The following TENM4 variants were observed in gnomAD, a reference collection of about 807,000 sequenced individuals.
The protein encoded by TENM4 is teneurin transmembrane protein 4, also known as teneurin-4.
TENM4 carries 82 observed loss-of-function variants against 243.3 expected under a neutral mutation model. The observed-to-expected ratio is 0.34, with a 90% CI of 0.28 to 0.40. The LOEUF (loss-of-function observed/expected upper bound fraction) is 0.40. Among genes scored for constraint, TENM4 ranks in the 10% least tolerant of loss-of-function variants. TENM4 has a pLI of 1.00. For missense variants in TENM4, 3,138 were observed against 3,673.3 expected (o/e 0.85, Z 3.77); for synonymous variants, 1,412 against 1,456.3 (o/e 0.97, Z 0.69).
rs745830367 is a variant in TENM4, at chr11:78,903,348, C to A, written c.669G>T (p.Glu223Asp). Residue 223 changes from glutamate (E) to aspartate (D), a missense_variant, in exon 7 of 34, where the codon GAG becomes GAT. By Grantham distance (45) the Glu-to-Asp change is conservative (BLOSUM62 2). Coordinates refer to ENST00000278550, the MANE Select transcript of TENM4 (RefSeq NM_001098816.3). ...PAPTDHSLSG[E>D]PPAGGAQEPA... ...GCTCCTGGGCGCCGCCGGCAGGGGG[C>A]TCTCCGGAGAGCGAGTGGTCCGTGG... The A allele has an allele frequency of 2.4e-5, 35 of 1,484,514 alleles. No homozygotes were observed. The highest frequency in any genetic ancestry group is 1.3e-5 in the South Asian group (1 of 75,042). The allele number at this position is 1,484,514 out of a possible 1,614,324, so 92.0% of individuals were successfully genotyped here.
In TENM4 at chr11:79,377,887, G is replaced by A. The variant is rs551923101; in HGVS notation, c.-321+62622C>T. Among the ~76,000 whole-genome samples the A allele has an allele frequency of 2.6e-4, 39 of 152,260 alleles. No homozygotes were observed. In the South Asian group the frequency reaches 6.2e-3, roughly 24 times the overall value. On this transcript the variant is annotated intron_variant, in intron 1 of 33. Coordinates refer to ENST00000278550, the MANE Select transcript of TENM4 (RefSeq NM_001098816.3). ...ACAAAATACAATTAAAAAAAATAGAGATATTTTACTCTGCCAAGGGCACCT... is the reference window on the plus strand; with the variant it reads ...ACAAAATACAATTAAAAAAAATAGAAATATTTTACTCTGCCAAGGGCACCT...
chr11:79,151,684 T>C (rs1345890505), intron 3 of TENM4, among the ~76,000 whole-genome samples: 1 of 152,028 alleles, frequency 6.6e-6, no homozygotes, highest in African/African-American at 2.4e-5. Flanking sequence ...CTCAAATACC[T>C]CATTATCCCT....
chr11:78,676,635 C>T (rs528876827), intron 29 of TENM4, among the ~76,000 whole-genome samples: 2 of 152,322 alleles, frequency 1.3e-5, no homozygotes, highest in East Asian at 3.9e-4. Flanking sequence ...CCTTACATTA[C>T]AGTTTAAAAT....
intron 12 of TENM4, among the ~76,000 whole-genome samples, chr11:78,830,599 G>C (rs1857958911): frequency 6.6e-6 from 1 of 152,196 alleles, no homozygotes; most frequent in African/African-American, 2.4e-5. Flanking sequence ...CTCCAGAGCA[G>C]TTGGCCTGAG....
chr11:79,207,647 T>A (rs1271187395), intron 3 of TENM4, among the ~76,000 whole-genome samples: 1 of 151,874 alleles, frequency 6.6e-6, no homozygotes, highest in South Asian at 2.1e-4. Flanking sequence ...GGTGGATTGC[T>A]TGAGCTCAGG....
intron 29 of TENM4, among the ~76,000 whole-genome samples, chr11:78,676,792 A>T (rs748687359): frequency 6.6e-6 from 1 of 152,260 alleles, no homozygotes; most frequent in Non-Finnish European, 1.5e-5. Context: ...CCAAGCCTCA[A>T]ATAGATACTC....
chr11:78,763,797 A>C (rs901369715), intron 18 of TENM4, among the ~76,000 whole-genome samples: 3 of 152,196 alleles, frequency 2.0e-5, no homozygotes, highest in African/African-American at 7.2e-5. Context: ...CCAACCTCTC[A>C]GGATTGCTGA....
At chr11:79,406,707 A>G (rs540670147) in intron 1 of TENM4, among the ~76,000 whole-genome samples, 1 of 152,262 alleles carries the variant, frequency 6.6e-6, no homozygotes, top group Non-Finnish European at 1.5e-5. Flanking sequence ...TGTCACATCT[A>G]AGCCTGGCAG....
intron 1 of TENM4, among the ~76,000 whole-genome samples, chr11:79,343,807 G>T (rs901705198): frequency 1.3e-5 from 2 of 152,164 alleles, no homozygotes; most frequent in Non-Finnish European, 2.9e-5. Context: ...AGCCATCTGG[G>T]GTCCTTTGGG....
Position 78,669,821 on chromosome 11 carries a change from C to T in TENM4, c.6524G>A (p.Arg2175Gln), listed in dbSNP as rs745950858. 10 of 1,613,912 alleles carry T rather than the reference C, an allele frequency of 6.2e-6. No homozygotes were observed. The South Asian group carries it at 8.8e-5, about 14-fold the overall frequency. Residue 2175 changes from arginine to glutamine, a missense_variant, in exon 32 of 34, where the codon CGA becomes CAA. Arg to Gln is a conservative substitution (Grantham distance 43). Coordinates refer to ENST00000278550, the MANE Select transcript of TENM4 (RefSeq NM_001098816.3). This position sits in a 1 kb window ranked among gnomAD's most constrained non-coding sequence, Gnocchi z 6.4. ...WMTVQYDNMGRVVKKELKVGP... is the reference protein window; with the variant it reads ...WMTVQYDNMGQVVKKELKVGP... ...TACCTTCAGCTCCTTCTTCACTACT[C>T]GCCCCATGTTATCATACTGGACGGT...
chr11:78,885,817 C>T (rs112533169), intron 9 of TENM4, among the ~76,000 whole-genome samples: 32 of 151,982 alleles, frequency 2.1e-4, no homozygotes, highest in Non-Finnish European at 4.3e-4. Context: ...CCCGGCTGCT[C>T]GGGAGGCTGA....
intron 6 of TENM4, among the ~76,000 whole-genome samples, chr11:79,029,025 G>A (rs1273842654): frequency 2.0e-5 from 3 of 152,022 alleles, no homozygotes; most frequent in Non-Finnish European, 2.9e-5. Context: ...CTCATCTTAA[G>A]AATTTACTCA....
At chr11:78,985,033 G>C (rs1331288271) in intron 6 of TENM4, among the ~76,000 whole-genome samples, 3 of 152,092 alleles carry the variant, frequency 2.0e-5, no homozygotes, top group African/African-American at 7.2e-5. Flanking sequence ...TCTTATTCAA[G>C]TCACTTAACT....
intron 6 of TENM4, among the ~76,000 whole-genome samples, chr11:78,931,531 A>T (rs1188020585): frequency 6.6e-6 from 1 of 152,258 alleles, no homozygotes; most frequent in Non-Finnish European, 1.5e-5. Context: ...CTTGCCACTG[A>T]TCTCATAAGG....
chr11:79,247,374 G>A (rs190598484), intron 2 of TENM4, among the ~76,000 whole-genome samples: 4 of 138,182 alleles, frequency 2.9e-5, no homozygotes, highest in Non-Finnish European at 6.0e-5. Flanking sequence ...CTGAGATCAC[G>A]CCACTGCATT....
rs187162987 is a variant in TENM4 at position 79,235,056 on chromosome 11, G to C, written c.-264-19147C>G. Among the ~76,000 whole-genome samples the C allele has an allele frequency of 7.8e-3, 1,194 of 152,236 alleles. 11 individuals are homozygous for C. Among genetic ancestry groups the C allele is most frequent in the Non-Finnish European group, 0.013 (885 of 68,014 alleles). On this transcript the variant is annotated intron_variant, in intron 2 of 33. Transcript: ENST00000278550. ...TGGCCAGGCGCGGTGACTCATGCCT[G>C]CAATCCCAGCACTTTGGGAGGCTGA...
At chr11:79,031,375 A>G (rs1292678876) in intron 6 of TENM4, among the ~76,000 whole-genome samples, 4 of 152,184 alleles carry the variant, frequency 2.6e-5, no homozygotes, top group African/African-American at 9.7e-5. Context: ...TGCACCCAAC[A>G]GATGGTCCAG....
chr11:79,267,453 G>A (rs995855246), intron 2 of TENM4, among the ~76,000 whole-genome samples: 1 of 152,200 alleles, frequency 6.6e-6, no homozygotes, highest in Non-Finnish European at 1.5e-5. Context: ...AAAGATAAAG[G>A]TTGATGCTAG....
intron 15 of TENM4, 87 bp downstream of exon 15, chr11:78,805,205 G>T: frequency 3.2e-6 from 2 of 632,424 alleles, no homozygotes; most frequent in Non-Finnish European, 4.4e-6. Context: ...GCATTGCTAC[G>T]TGATTGGGAA....
Sources: allele counts gnomAD v4.1 joint callset (sites outside exome capture counted in the v4.1 genomes callset), GRCh38; gene constraint gnomAD v4.1.1; non-coding constraint Gnocchi (gnomAD v3.1); transcripts MANE v1.5; gene names NCBI Gene and HGNC (gene_info 2026-07-23, HGNC 2026-07-21).